Variants in KIAA0319 observed in about 807,000 individuals in gnomAD.
KIAA0319 encodes the protein dyslexia-associated protein KIAA0319.
In KIAA0319, 83 loss-of-function variants were observed where a neutral mutation model predicts 108.4. The observed-to-expected ratio is 0.77, with a 90% CI of 0.64 to 0.92. The LOEUF is 0.92. KIAA0319 is among the 40% of genes least tolerant of loss of function. The probability of loss-of-function intolerance (pLI) is 0.00; values close to 1 mark genes in which losing one functional copy is unlikely to be tolerated. For missense variants in KIAA0319, 1,195 were observed against 1,322.4 expected (o/e 0.90, Z 1.49); for synonymous variants, 484 against 510.4 (o/e 0.95, Z 0.70).
At chr6:24,638,653 G>A (rs574631926) in intron 1 of KIAA0319, among the ~76,000 whole-genome samples, 7 of 152,120 alleles carry the variant, frequency 4.6e-5, no homozygotes, top group South Asian at 2.1e-4. Flanking sequence ...CCAGCTACTC[G>A]GGAGGCTGAG....
At chr6:24,617,998 A>C (rs1164961545) in intron 1 of KIAA0319, among the ~76,000 whole-genome samples, 1 of 152,076 alleles carries the variant, frequency 6.6e-6, no homozygotes, top group African/African-American at 2.4e-5. Flanking sequence ...AAGGAAAATG[A>C]AAATAAAAAT....
At chr6:24,590,522 A>G (rs1057261459) in intron 3 of KIAA0319, among the ~76,000 whole-genome samples, 8 of 152,222 alleles carry the variant, frequency 5.3e-5, no homozygotes, top group African/African-American at 1.7e-4. Context: ...ATTCAAAATT[A>G]CTGCAAACCA....
chr6:24,596,774 A>G (rs1769679256), intron 2 of KIAA0319, among the ~76,000 whole-genome samples, 156 bp from the exon 3 acceptor site: 1 of 152,174 alleles, frequency 6.6e-6, no homozygotes, highest in Non-Finnish European at 1.5e-5. Flanking sequence ...ACAGCAATCC[A>G]TCAAACCATC....
intron 1 of KIAA0319, among the ~76,000 whole-genome samples, chr6:24,636,833 A>G (rs1776272859): frequency 6.6e-6 from 1 of 151,298 alleles, no homozygotes; most frequent in Admixed American, 6.6e-5. Flanking sequence ...TATTGTTCTG[A>G]TCATGCCCTA....
At chr6:24,570,457 A>G (rs1026540549) in intron 11 of KIAA0319, among the ~76,000 whole-genome samples, 9 of 152,068 alleles carry the variant, frequency 5.9e-5, no homozygotes, top group Non-Finnish European at 1.0e-4. Context: ...GTGTGGTGGC[A>G]GGCGCCTGTA....
At position 24,559,908 on chromosome 6, in the gene KIAA0319, C is replaced by T. The variant is rs1469566001; in HGVS notation, c.2592-753G>A. Reference sequence around the variant, plus strand: ...GCAACCACTAATCTGCTTTTGGTCTCTATGGATTTGCCTCTTCTGGACACT... The same window carrying T: ...GCAACCACTAATCTGCTTTTGGTCTTTATGGATTTGCCTCTTCTGGACACT... On this transcript the variant is annotated intron_variant, in intron 16 of 20. Transcript: ENST00000378214. Among the ~76,000 whole-genome samples, 3 of 152,282 alleles carry T rather than the reference C, an allele frequency of 2.0e-5. 1 individual carries two copies. In the East Asian group the frequency reaches 5.8e-4, roughly 29 times the overall value.
At chr6:24,629,366 T>C (rs1331711028) in intron 1 of KIAA0319, among the ~76,000 whole-genome samples, 1 of 151,504 alleles carries the variant, frequency 6.6e-6, no homozygotes, top group Non-Finnish European at 1.5e-5. Flanking sequence ...ATACAAAAAA[T>C]TAGCCAGGTG....
At chr6:24,639,513 A>C (rs943118014) in intron 1 of KIAA0319, among the ~76,000 whole-genome samples, 1 of 152,232 alleles carries the variant, frequency 6.6e-6, no homozygotes, top group Admixed American at 6.5e-5. Flanking sequence ...GAGTTACTAT[A>C]TGACATTTGG....
chr6:24,620,047 T>A (rs2127568631), intron 1 of KIAA0319, among the ~76,000 whole-genome samples: 1 of 152,378 alleles, frequency 6.6e-6, no homozygotes, highest in Non-Finnish European at 1.5e-5. Context: ...AATATGCTAC[T>A]GAAAATAAGT....
chr6:24,614,261 A>G (rs1169665377), intron 1 of KIAA0319, among the ~76,000 whole-genome samples: 2 of 152,118 alleles, frequency 1.3e-5, no homozygotes, highest in Non-Finnish European at 2.9e-5. Flanking sequence ...CTGTGTCTCC[A>G]TGCCCTTCTC....
intron 6 of KIAA0319, 88 bp from the exon 7 acceptor site, chr6:24,581,101 C>T (rs1766466756): frequency 2.5e-6 from 2 of 815,718 alleles, no homozygotes; most frequent in Non-Finnish European, 4.2e-6. Flanking sequence ...CCAGAAGCCG[C>T]ACTCCTAAAG....
At chr6:24,638,631 G>T (rs1031275098) in intron 1 of KIAA0319, among the ~76,000 whole-genome samples, 1 of 152,050 alleles carries the variant, frequency 6.6e-6, no homozygotes. Context: ...GTGGTAGCGG[G>T]TGCCTGTAGT....
intron 19 of KIAA0319, among the ~76,000 whole-genome samples, chr6:24,553,855 A>G (rs1653290917): frequency 6.6e-6 from 1 of 152,234 alleles, no homozygotes; most frequent in Non-Finnish European, 1.5e-5. Flanking sequence ...GAGGGCATGG[A>G]AGCTCTAGGC....
At chr6:24,583,065 A>G (rs1766858049) in intron 5 of KIAA0319, 1 of 985,090 alleles carries the variant, frequency 1.0e-6, no homozygotes, top group Non-Finnish European at 1.2e-6. Flanking sequence ...GTTTACCTTA[A>G]AAACAATGCA....
intron 1 of KIAA0319, among the ~76,000 whole-genome samples, chr6:24,643,434 T>A (rs1259145237): frequency 3.9e-5 from 6 of 152,072 alleles, no homozygotes; most frequent in Admixed American, 6.6e-5. Flanking sequence ...ATAAAAAAAA[T>A]TTTAAAAACA....
intron 10 of KIAA0319, among the ~76,000 whole-genome samples, chr6:24,573,385 G>A (rs1483486819): frequency 6.6e-6 from 1 of 152,112 alleles, no homozygotes; most frequent in African/African-American, 2.4e-5. Flanking sequence ...ATCAACAGGA[G>A]GATGGTCAAA....
In KIAA0319 at chr6:24,572,483, G is replaced by A. The variant is rs1016002310; in HGVS notation, c.1858+92C>T. The A allele has an allele frequency of 1.6e-5, 23 of 1,443,730 alleles. No individual in the cohort carries two copies. In the South Asian group the frequency reaches 2.5e-4, roughly 16 times the overall value. 89.4% of individuals were successfully genotyped at this position (1,443,730 alleles called of 1,614,324 possible). A position where few individuals can be genotyped will look rare whatever the true frequency, so the allele number is the denominator to read the frequency against. ...ATGGAGCTTTGGCACCCACAGGCCG[G>A]TACCACCAAGTGTGGCATCTCCAAA... On this transcript the variant is annotated intron_variant, in intron 11 of 20. Coordinates refer to ENST00000378214, the MANE Select transcript of KIAA0319 (RefSeq NM_014809.4).
chr6:24,551,027 G>A (rs114358573), intron 20 of KIAA0319, among the ~76,000 whole-genome samples: 1,667 of 152,186 alleles, frequency 0.011, 15 homozygotes, highest in Middle Eastern at 0.02. Context: ...AGCCCAAGCT[G>A]TAGTGCAGAG....
intron 16 of KIAA0319, 33 bp downstream of exon 16, chr6:24,563,326 G>A (rs777171516): frequency 1.3e-6 from 2 of 1,591,574 alleles, no homozygotes; most frequent in East Asian, 2.3e-5. Context: ...ATTTTGTACG[G>A]CCAAGGCCCC....
Sources: allele counts gnomAD v4.1 joint callset (sites outside exome capture counted in the v4.1 genomes callset), GRCh38; gene constraint gnomAD v4.1.1; transcripts MANE v1.5; gene names NCBI Gene and HGNC (gene_info 2026-07-23, HGNC 2026-07-21).